THSD7A: variants seen among roughly 807,000 people sequenced by gnomAD.
THSD7A encodes the protein thrombospondin type 1 domain containing 7A.
In THSD7A, 96 loss-of-function variants were observed where a neutral mutation model predicts 231.3. That is an observed-to-expected ratio of 0.41 (90% CI 0.35 to 0.49). THSD7A has a LOEUF of 0.49. THSD7A is among the 20% of genes least tolerant of loss of function. The probability of loss-of-function intolerance (pLI) is 0.05; values close to 1 mark genes in which losing one functional copy is unlikely to be tolerated. For synonymous variants in THSD7A, 940 were observed against 743.3 expected, an observed-to-expected ratio of 1.26 and a Z score of -4.30; for missense variants, 2,290 against 2,070.2, an observed-to-expected ratio of 1.11 and a Z score of -2.06.
chr7:11,771,379 G>T (rs1323521612), intron 1 of THSD7A, among the ~76,000 whole-genome samples: 1 of 151,844 alleles, frequency 6.6e-6, no homozygotes, highest in African/African-American at 2.4e-5. Flanking sequence ...TAAATACAGA[G>T]AGAAAAGTTT....
At chr7:11,536,750 A>C (rs544239353) in intron 6 of THSD7A, among the ~76,000 whole-genome samples, 1 of 152,060 alleles carries the variant, frequency 6.6e-6, no homozygotes, top group East Asian at 1.9e-4. Flanking sequence ...GACCTGGCCT[A>C]TGCTTCTGGA....
At position 11,644,582 on chromosome 7, in the gene THSD7A, T is replaced by C. The variant is rs1782211296; in HGVS notation, c.191-7621A>G. On this transcript the variant is annotated intron_variant, in intron 1 of 27. Coordinates refer to ENST00000423059, the MANE Select transcript of THSD7A (RefSeq NM_015204.3). ...TAGATGTCAAGCTGAGCTTTCACCT[T>C]CAATGAGTAATTAAACTTTAATAAG... is the stretch of plus-strand genomic sequence containing the variant. Among the ~76,000 whole-genome samples, 5 of 151,982 alleles carry C rather than the reference T, an allele frequency of 3.3e-5. No individual in the cohort carries two copies. In the South Asian group the frequency reaches 1.0e-3, roughly 31 times the overall value.
chr7:11,416,474 T>C (rs941166890), intron 17 of THSD7A, among the ~76,000 whole-genome samples: 1 of 152,330 alleles, frequency 6.6e-6, no homozygotes, highest in South Asian at 2.1e-4. Flanking sequence ...AGAAAATCAA[T>C]TGTATATCCT....
At chr7:11,695,224 G>C (rs530955234) in intron 1 of THSD7A, among the ~76,000 whole-genome samples, 1 of 151,460 alleles carries the variant, frequency 6.6e-6, no homozygotes, top group East Asian at 2.0e-4. Context: ...TTAACTAAAG[G>C]ACAGTATTGG....
At chr7:11,532,785 G>A (rs1170440961) in intron 6 of THSD7A, among the ~76,000 whole-genome samples, 1 of 152,122 alleles carries the variant, frequency 6.6e-6, no homozygotes, top group African/African-American at 2.4e-5. Context: ...GAGAAATAGA[G>A]AAGAAATAAT....
intron 6 of THSD7A, among the ~76,000 whole-genome samples, chr7:11,502,240 C>A (rs1787366770): frequency 1.3e-5 from 2 of 152,196 alleles, no homozygotes; most frequent in Non-Finnish European, 2.9e-5. Flanking sequence ...CCTACAGAAA[C>A]TCTTCCAAAA....
rs371677517 is a variant in THSD7A, at chr7:11,636,377, G to A, written c.775C>T (p.Pro259Ser). The A allele has an allele frequency of 1.2e-5, 19 of 1,613,710 alleles. No individual in the cohort carries two copies. In the African/African-American group the frequency reaches 1.5e-4, roughly 12 times the overall value. Residue 259 changes from proline to serine, a missense_variant, in exon 2 of 28, where the codon CCC becomes TCC. Coordinates refer to ENST00000423059, the MANE Select transcript of THSD7A (RefSeq NM_015204.3). This position sits in a 1 kb window ranked among gnomAD's most constrained non-coding sequence, Gnocchi z 10.0. ...TGGGGCATTGAGCAGGTGCTCCAGG[G>A]CCCCACATGCAGGCTGTACCTGAGC... ...EELRYSLHVG[P>S]WSTCSMPHSR...
At chr7:11,785,205 TTTAG>T (rs1554277939) in intron 1 of THSD7A, among the ~76,000 whole-genome samples, 7 of 152,244 alleles carry the variant, frequency 4.6e-5, no homozygotes, top group Middle Eastern at 3.4e-3. Flanking sequence ...GTCTTTTTAA[TTTAG>T]TTATTTAATT....
At chr7:11,490,535 A>G (rs992545275) in intron 6 of THSD7A, among the ~76,000 whole-genome samples, 2 of 152,108 alleles carry the variant, frequency 1.3e-5, no homozygotes, top group East Asian at 3.9e-4. Flanking sequence ...AATGCCAACT[A>G]TCATGGTACA....
chr7:11,518,602 C>CACACACACAT lies in THSD7A; in HGVS notation c.1822+22816_1822+22817insATGTGTGTGT, dbSNP rs1788133095. Among the ~76,000 whole-genome samples the CACACACACAT allele has an allele frequency of 2.6e-5, 4 of 151,556 alleles. 1 individual carries two copies. Among genetic ancestry groups the CACACACACAT allele is most frequent in the African/African-American group, 9.7e-5 (4 of 41,334 alleles). ...TGTAGCTGGAAATAAAATAGAAACA[C>CACACACACAT]ACACACACACACACACACGCACACA... On this transcript the variant is annotated intron_variant, in intron 6 of 27. Transcript: ENST00000423059.
In THSD7A at chr7:11,474,378, T is replaced by C; in HGVS notation, c.2208A>G (p.Lys736=). Residue 736 remains lysine, a synonymous_variant, in exon 8 of 28, where the codon AAA becomes AAG. Coordinates refer to ENST00000423059, the MANE Select transcript of THSD7A (RefSeq NM_015204.3). The surrounding 1 kb of genome is among the most constrained non-coding windows in gnomAD (Gnocchi z 4.1). ...CCACATTGACTCGCACACAGATGACTTTTCTTGTCTGCATGCCGACAGAGC... is the reference window on the plus strand; with the variant it reads ...CCACATTGACTCGCACACAGATGACCTTTCTTGTCTGCATGCCGACAGAGC... ...ASCSVGMQTR[K]VICVRVNVGQ... 6.2e-7 allele frequency: 1 copy of C among 1,613,482 alleles called. No homozygotes were observed. Among genetic ancestry groups the C allele is most frequent in the Non-Finnish European group, 8.5e-7 (1 of 1,179,550 alleles).
chr7:11,482,506 G>C (rs930923605), intron 6 of THSD7A, among the ~76,000 whole-genome samples: 1 of 152,104 alleles, frequency 6.6e-6, no homozygotes, highest in African/African-American at 2.4e-5. Context: ...AAAATTGTTT[G>C]TTAGTTGGAA....
intron 6 of THSD7A, among the ~76,000 whole-genome samples, chr7:11,484,607 C>T (rs1322437215): frequency 1.3e-5 from 2 of 152,122 alleles, no homozygotes; most frequent in Non-Finnish European, 2.9e-5. Flanking sequence ...GTCTTGGTTG[C>T]TACTTCATAC....
At chr7:11,768,159 C>A (rs1170605675) in intron 1 of THSD7A, among the ~76,000 whole-genome samples, 2 of 152,050 alleles carry the variant, frequency 1.3e-5, no homozygotes, top group Admixed American at 6.6e-5. Context: ...TATTCAGTAT[C>A]CTAATCAAAT....
intron 6 of THSD7A, among the ~76,000 whole-genome samples, chr7:11,513,930 C>G (rs60091264): frequency 1.3e-5 from 2 of 151,480 alleles, no homozygotes; most frequent in African/African-American, 2.4e-5. Flanking sequence ...CAAGCACACA[C>G]GCATAGGTGC....
intron 16 of THSD7A, among the ~76,000 whole-genome samples, chr7:11,422,620 A>C (rs2115410412): frequency 6.9e-6 from 1 of 145,398 alleles, no homozygotes; most frequent in East Asian, 2.0e-4. Context: ...AAAAAAAAGT[A>C]ACATGTACAC....
chr7:11,816,093 T>C (rs1478532914), intron 1 of THSD7A, among the ~76,000 whole-genome samples: 3 of 152,212 alleles, frequency 2.0e-5, no homozygotes, highest in African/African-American at 7.2e-5. Context: ...CCATTTTACA[T>C]CCATATATGT....
At chr7:11,491,374 A>T (rs978977923) in intron 6 of THSD7A, among the ~76,000 whole-genome samples, 1 of 151,770 alleles carries the variant, frequency 6.6e-6, no homozygotes, top group Non-Finnish European at 1.5e-5. Context: ...GATCAGTAGG[A>T]GTACTAAGAC....
At chr7:11,716,808 A>G (rs1781153006) in intron 1 of THSD7A, among the ~76,000 whole-genome samples, 1 of 151,556 alleles carries the variant, frequency 6.6e-6, no homozygotes, top group Non-Finnish European at 1.5e-5. Flanking sequence ...AAAAAATCTT[A>G]TTACATTGCT....
Sources: gnomAD v4.1 joint callset for allele counts (sites outside exome capture counted in the v4.1 genomes callset) on GRCh38, gnomAD v4.1.1 for gene constraint, Gnocchi (gnomAD v3.1) non-coding constraint, MANE v1.5 for transcripts, NCBI Gene and HGNC (gene_info 2026-07-23, HGNC 2026-07-21) for gene names.